FARS2: variants seen among roughly 807,000 people sequenced by gnomAD.
FARS2 encodes the protein phenylalanine--tRNA ligase, mitochondrial.
In FARS2, 40 loss-of-function variants were observed where a neutral mutation model predicts 46.4. That is an observed-to-expected ratio of 0.86 (90% CI 0.67 to 1.12). The LOEUF (loss-of-function observed/expected upper bound fraction) is 1.12. Among genes scored for constraint, FARS2 ranks in the 50% most tolerant of loss-of-function variants. FARS2 has a pLI of 0.00. For synonymous variants in FARS2, 234 were observed against 214.9 expected (o/e 1.09, Z -0.78); for missense variants, 513 against 567.9 (o/e 0.90, Z 0.98).
At chr6:5,683,288 G>A (rs1779125161) in intron 6 of FARS2, among the ~76,000 whole-genome samples, 2 of 152,196 alleles carry the variant, frequency 1.3e-5, no homozygotes, top group South Asian at 4.1e-4. Context: ...TGCTCTGTAG[G>A]GTGTGAGGAA....
At chr6:5,361,128 T>C (rs1165522888) in intron 1 of FARS2, among the ~76,000 whole-genome samples, 2 of 152,236 alleles carry the variant, frequency 1.3e-5, no homozygotes, top group Non-Finnish European at 2.9e-5. Context: ...CTAAATATGA[T>C]ATGCATGTGT....
At chr6:5,620,017 C>T (rs1220481119) in intron 6 of FARS2, among the ~76,000 whole-genome samples, 1 of 152,134 alleles carries the variant, frequency 6.6e-6, no homozygotes, top group Non-Finnish European at 1.5e-5. Context: ...GAGTTTTCGG[C>T]CCTTACATAG....
intron 6 of FARS2, among the ~76,000 whole-genome samples, chr6:5,689,475 G>A (rs1274307407): frequency 6.6e-6 from 1 of 152,134 alleles, no homozygotes; most frequent in African/African-American, 2.4e-5. Context: ...TCATTCAGGA[G>A]CAGGTTGTTC....
chr6:5,620,134 A>G (rs1775689614), intron 6 of FARS2, among the ~76,000 whole-genome samples: 1 of 151,876 alleles, frequency 6.6e-6, no homozygotes, highest in African/African-American at 2.4e-5. Context: ...CCTGTGCATT[A>G]TACGATGTTT....
chr6:5,629,804 A>G (rs1776216060), intron 6 of FARS2, among the ~76,000 whole-genome samples: 1 of 152,032 alleles, frequency 6.6e-6, no homozygotes, highest in Non-Finnish European at 1.5e-5. Context: ...GGAGAAGCTG[A>G]CAATATAAAA....
intron 5 of FARS2, among the ~76,000 whole-genome samples, chr6:5,599,779 T>TG (rs1774405886): frequency 6.6e-6 from 1 of 152,208 alleles, no homozygotes; most frequent in Non-Finnish European, 1.5e-5. Context: ...TCAAAGGCAG[T>TG]GAAATATTAT....
At chr6:5,468,003 G>A (rs900636017) in intron 4 of FARS2, among the ~76,000 whole-genome samples, 1 of 152,176 alleles carries the variant, frequency 6.6e-6, no homozygotes, top group African/African-American at 2.4e-5. Flanking sequence ...CTGACTGAGA[G>A]GCTGAGGCCA....
intron 5 of FARS2, among the ~76,000 whole-genome samples, chr6:5,546,637 T>C (rs1162781690): frequency 6.6e-6 from 1 of 152,084 alleles, no homozygotes; most frequent in Non-Finnish European, 1.5e-5. Flanking sequence ...TCCTATGCCA[T>C]AGAACTCTGA....
At chr6:5,362,182 C>T (rs1042932672) in intron 1 of FARS2, among the ~76,000 whole-genome samples, 2 of 152,064 alleles carry the variant, frequency 1.3e-5, no homozygotes, top group Non-Finnish European at 2.9e-5. Flanking sequence ...AGCTGTATTC[C>T]AATAGTAATG....
chr6:5,383,760 C>CT (rs5873976), intron 2 of FARS2, among the ~76,000 whole-genome samples: 69,003 of 145,088 alleles, frequency 0.48, 17,039 homozygotes, highest in African/African-American at 0.63. Context: ...TTCTGATCTA[C>CT]TTTTTTTTTT....
intron 6 of FARS2, among the ~76,000 whole-genome samples, chr6:5,623,763 G>A (rs1398843858): frequency 6.6e-6 from 1 of 152,052 alleles, no homozygotes; most frequent in East Asian, 1.9e-4. Context: ...ATCGATGCTG[G>A]TCAGCAGAGT....
At chr6:5,743,490 C>T (rs1433514486) in intron 6 of FARS2, among the ~76,000 whole-genome samples, 1 of 152,206 alleles carries the variant, frequency 6.6e-6, no homozygotes, top group Non-Finnish European at 1.5e-5. Flanking sequence ...CGTCCCTTTG[C>T]AACTGTATAG....
intron 6 of FARS2, among the ~76,000 whole-genome samples, chr6:5,688,685 G>C (rs937593185): frequency 6.6e-6 from 1 of 152,178 alleles, no homozygotes; most frequent in African/African-American, 2.4e-5. Flanking sequence ...GTCTCTGCCA[G>C]GCTTTGGTAT....
chr6:5,704,803 G>A (rs937112927), intron 6 of FARS2, among the ~76,000 whole-genome samples: 11 of 152,300 alleles, frequency 7.2e-5, no homozygotes, highest in African/African-American at 2.2e-4. Context: ...CTGAAGATTC[G>A]AACTTATTTG....
chr6:5,714,802 A>T (rs1759394987), intron 6 of FARS2, among the ~76,000 whole-genome samples: 1 of 152,134 alleles, frequency 6.6e-6, no homozygotes, highest in African/African-American at 2.4e-5. Flanking sequence ...AGGTGGGTGG[A>T]TAACCTGAGG....
At chr6:5,391,843 G>A (rs1760538816) in intron 2 of FARS2, among the ~76,000 whole-genome samples, 1 of 152,088 alleles carries the variant, frequency 6.6e-6, no homozygotes, top group East Asian at 1.9e-4. Context: ...TCTTAAATCT[G>A]ATTAGAAGTA....
intron 5 of FARS2, among the ~76,000 whole-genome samples, chr6:5,585,351 T>C (rs916418237): frequency 3.1e-4 from 47 of 152,300 alleles, no homozygotes; most frequent in African/African-American, 1.1e-3. Context: ...ACGTCTGCTC[T>C]CATCAAATTT....
At chr6:5,293,649 T>C (rs138233284) in intron 1 of FARS2, among the ~76,000 whole-genome samples, 2 of 152,362 alleles carry the variant, frequency 1.3e-5, no homozygotes, top group African/African-American at 4.8e-5. Flanking sequence ...TAAAGAGTCT[T>C]GTTAGAAAAC....
chr6:5,474,993 A>C (rs1021337899), intron 4 of FARS2, among the ~76,000 whole-genome samples: 2 of 152,170 alleles, frequency 1.3e-5, no homozygotes, highest in Non-Finnish European at 2.9e-5. Flanking sequence ...GACCACTGTC[A>C]TATATAAGTA....
Sources: gnomAD v4.1 joint callset for allele counts (sites outside exome capture counted in the v4.1 genomes callset) on GRCh38, gnomAD v4.1.1 for gene constraint, MANE v1.5 for transcripts, NCBI Gene and HGNC (gene_info 2026-07-23, HGNC 2026-07-21) for gene names.